The following SLC45A1 variants were observed in gnomAD, a reference collection of about 807,000 sequenced individuals.
SLC45A1 encodes the protein proton-associated sugar transporter A.
A neutral mutation model predicts 57.6 loss-of-function variants in SLC45A1; 28 were observed. The ratio of observed to expected loss-of-function variants is 0.49; its 90% CI spans 0.36 to 0.67. The LOEUF (loss-of-function observed/expected upper bound fraction) is 0.67, where lower values mean the gene tolerates loss of function less well. Among genes scored for constraint, SLC45A1 ranks in the 30% least tolerant of loss-of-function variants. SLC45A1 has a pLI of 0.00. For synonymous variants in SLC45A1, 459 were observed against 471.5 expected, an observed-to-expected ratio of 0.97 and a Z score of 0.34; for missense variants, 814 against 1,041.5, an observed-to-expected ratio of 0.78 and a Z score of 3.01.
chr1:8,330,088 G>C lies in SLC45A1; in HGVS notation c.716-121G>C. The stretch of plus-strand genomic sequence containing the variant: ...TTTTGTTGGGGTTTAGGTGGAACAG[G>C]TTCTGTGCCCACGTCCCTGGAATGG... On this transcript the variant is annotated intron_variant, in intron 4 of 8. Transcript: ENST00000471889. The surrounding 1 kb of genome is among the most constrained non-coding windows in gnomAD (Gnocchi z 8.4). 1 of 1,274,778 alleles carries C rather than the reference G, an allele frequency of 7.8e-7. No individual in the cohort carries two copies. The highest frequency in any genetic ancestry group is 1.4e-5 in the South Asian group (1 of 71,130). 79.0% of individuals were successfully genotyped at this position (1,274,778 alleles called of 1,614,324 possible). A position where few individuals can be genotyped will look rare whatever the true frequency, so the allele number is the denominator to read the frequency against.
chr1:8,325,337 G>T lies in SLC45A1; in HGVS notation c.437G>T (p.Arg146Leu). The part of the protein sequence containing the change: ...LQPLLGAWSD[R>L]CTSRFGRRRP... ...CCTCTGTTGGGTGCTTGGAGTGACC[G>T]GTGTACCTCAAGGTTTGGAAGGAGA... The change falls in exon 3 of 9, where the codon CGG becomes CTG. Residue 146 changes from arginine (R) to leucine (L), a missense_variant. Transcript: ENST00000471889. This position sits in a 1 kb window ranked among gnomAD's most constrained non-coding sequence, Gnocchi z 6.3. 6.2e-7 allele frequency: 1 copy of T among 1,613,710 alleles called. No homozygotes were observed. Among genetic ancestry groups the T allele is most frequent in the Non-Finnish European group, 8.5e-7 (1 of 1,179,798 alleles).
At chr1:8,339,459 G>A (rs148324631) in intron 7 of SLC45A1, 34 bp from the exon 8 acceptor site, 9 of 1,608,416 alleles carry the variant, frequency 5.6e-6, no homozygotes, top group Non-Finnish European at 6.8e-6. Context: ...GGCTCTGGCC[G>A]TGTGGCACTG....
rs112770536 is a variant in SLC45A1, at chr1:8,338,129, G to A, written c.1774+137G>A. The A allele has an allele frequency of 5.8e-4, 465 of 799,810 alleles. No individual in the cohort carries two copies. In the African/African-American group the frequency reaches 7.2e-3, roughly 12 times the overall value. 49.5% of individuals were successfully genotyped at this position (799,810 alleles called of 1,614,324 possible). ...TTTGGGGGACGCCACTGTCTTTCCC[G>A]GCTGCAGGGCGCTGGGCCTGGGGGA... On this transcript the variant is annotated intron_variant, in intron 7 of 8. Coordinates refer to ENST00000471889, the MANE Select transcript of SLC45A1 (RefSeq NM_001080397.3).
At chr1:8,320,400 T>G (rs1194832143) in intron 1 of SLC45A1, among the ~76,000 whole-genome samples, 1 of 152,184 alleles carries the variant, frequency 6.6e-6, no homozygotes, top group Non-Finnish European at 1.5e-5. Flanking sequence ...TCCAACACTT[T>G]GGGAAGCCAA....
chr1:8,344,106 G>C lies in SLC45A1; in HGVS notation c.*93G>C. On this transcript the variant is annotated 3_prime_UTR_variant, in exon 9 of 9. Coordinates refer to ENST00000471889, the MANE Select transcript of SLC45A1 (RefSeq NM_001080397.3). ...ACCAAAGGGCCTTGTTGGACAGGGG[G>C]ACTGGCTGCCTACTGGAATGTAAAT... 1 of 1,222,792 alleles carries C rather than the reference G, an allele frequency of 8.2e-7. No homozygotes were observed. Among genetic ancestry groups the C allele is most frequent in the South Asian group, 1.5e-5 (1 of 65,558 alleles). 75.7% of individuals were successfully genotyped at this position (1,222,792 alleles called of 1,614,324 possible). A position where few individuals can be genotyped will look rare whatever the true frequency, so the allele number is the denominator to read the frequency against.
chr1:8,330,709 C>T lies in SLC45A1; in HGVS notation c.1216C>T (p.Arg406Trp), dbSNP rs771993387. Reference protein sequence around the residue: ...PRPPISVSFPRAPDGFYRQDR... With the variant: ...PRPPISVSFPWAPDGFYRQDR... ...GCCGCCCATCAGCGTCAGCTTCCCC[C>T]GGGCCCCCGACGGCTTCTACCGCCA... The change falls in exon 5 of 9, where the codon CGG becomes TGG. Residue 406 changes from arginine (R) to tryptophan (W), a missense_variant. Physicochemically the swap from Arg to Trp is moderately radical, Grantham distance 101. Coordinates refer to ENST00000471889, the MANE Select transcript of SLC45A1 (RefSeq NM_001080397.3). This position sits in a 1 kb window ranked among gnomAD's most constrained non-coding sequence, Gnocchi z 8.4. 24 of 1,613,058 alleles carry T rather than the reference C, an allele frequency of 1.5e-5. No homozygotes were observed. The highest frequency in any genetic ancestry group is 3.3e-5 in the South Asian group (3 of 91,076).
chr1:8,328,561 G>A lies in SLC45A1; in HGVS notation c.716-1648G>A, dbSNP rs1475529850. On this transcript the variant is annotated intron_variant, in intron 4 of 8. Coordinates refer to ENST00000471889, the MANE Select transcript of SLC45A1 (RefSeq NM_001080397.3). The surrounding 1 kb of genome is among the most constrained non-coding windows in gnomAD (Gnocchi z 4.6). ...TTAGCTAGTAAAGTTCATCTGGGCCGGGCGTGGTGGCTCATGCATGTACTC... is the reference window on the plus strand; with the variant it reads ...TTAGCTAGTAAAGTTCATCTGGGCCAGGCGTGGTGGCTCATGCATGTACTC... Among the ~76,000 whole-genome samples, 18 of 152,184 alleles carry A rather than the reference G, an allele frequency of 1.2e-4. No homozygotes were observed. Among genetic ancestry groups the A allele is most frequent in the African/African-American group, 3.9e-4 (16 of 41,446 alleles).
In SLC45A1 at chr1:8,330,626, T is replaced by C. The variant is rs781183365; in HGVS notation, c.1133T>C (p.Ile378Thr). 8.1e-6 allele frequency: 13 copies of C among 1,613,478 alleles called. No individual in the cohort carries two copies. The highest frequency in any genetic ancestry group is 1.1e-5 in the South Asian group (1 of 91,088). ...ACGGCCAACATAGACAGCGTCCTCA[T>C]TGACTGCTTCACGGGCGGCCACGAC... ...FGTANIDSVL[I>T]DCFTGGHDSY... The change falls in exon 5 of 9, where the codon ATT (isoleucine) becomes ACT (threonine). Residue 378 changes from isoleucine (I) to threonine (T), a missense_variant. Transcript: ENST00000471889. The surrounding 1 kb of genome is among the most constrained non-coding windows in gnomAD (Gnocchi z 8.4).
intron 1 of SLC45A1, among the ~76,000 whole-genome samples, chr1:8,318,696 T>A (rs1400721357): frequency 1.3e-5 from 2 of 152,236 alleles, no homozygotes; most frequent in Non-Finnish European, 2.9e-5. Flanking sequence ...CAGCTCCTTC[T>A]GCCCTCGACA....
intron 1 of SLC45A1, among the ~76,000 whole-genome samples, chr1:8,322,034 AGTGGGTGG>A (rs1557557387): frequency 2.7e-4 from 2 of 7,292 alleles, no homozygotes; most frequent in Non-Finnish European, 4.6e-4. Context: ...TGGATGGGTG[AGTGGGTGG>A]GTGGGTGGAT....
chr1:8,332,520 T>C (rs1421871962), intron 5 of SLC45A1, among the ~76,000 whole-genome samples: 1 of 151,760 alleles, frequency 6.6e-6, no homozygotes, highest in Non-Finnish European at 1.5e-5. Context: ...GATTTTTTTT[T>C]TTTTTTTTTG....
rs910178683 is a variant in SLC45A1, at chr1:8,330,699, C to T, written c.1206C>T (p.Val402=). ...PGSVPRPPIS[V]SFPRAPDGFY... is the part of the protein sequence containing the mutation. ...GCGTCCCCAGGCCGCCCATCAGCGTCAGCTTCCCCCGGGCCCCCGACGGCT... is the reference window on the plus strand; with the variant it reads ...GCGTCCCCAGGCCGCCCATCAGCGTTAGCTTCCCCCGGGCCCCCGACGGCT... Residue 402 remains valine (V), a synonymous_variant, in exon 5 of 9, where the codon GTC becomes GTT. Coordinates refer to ENST00000471889, the MANE Select transcript of SLC45A1 (RefSeq NM_001080397.3). This position sits in a 1 kb window ranked among gnomAD's most constrained non-coding sequence, Gnocchi z 8.4. The T allele has an allele frequency of 3.1e-6, 5 of 1,613,232 alleles. No individual in the cohort carries two copies. The highest frequency in any genetic ancestry group is 3.4e-6 in the Non-Finnish European group (4 of 1,180,008).
At chr1:8,334,658 G>T (rs376888987) in intron 5 of SLC45A1, among the ~76,000 whole-genome samples, 1 of 152,004 alleles carries the variant, frequency 6.6e-6, no homozygotes, top group Non-Finnish European at 1.5e-5. Flanking sequence ...AGCCATGACC[G>T]CACCACTGCA....
rs1308367398 is a variant in SLC45A1 at position 8,338,240 on chromosome 1, C to G, written c.1774+248C>G. 2.0e-5 allele frequency among the ~76,000 whole-genome samples: 3 copies of G among 152,210 alleles called. 1 individual carries two copies. Among genetic ancestry groups the G allele is most frequent in the Non-Finnish European group, 4.4e-5 (3 of 68,026 alleles). ...GGCACGGGTGCTTGTCAGGACCTGACTACACCGGCAGGCCATAGCGAGGGC... is the reference window on the plus strand; with the variant it reads ...GGCACGGGTGCTTGTCAGGACCTGAGTACACCGGCAGGCCATAGCGAGGGC... On this transcript the variant is annotated intron_variant, in intron 7 of 8. Coordinates refer to ENST00000471889, the MANE Select transcript of SLC45A1 (RefSeq NM_001080397.3).
intron 7 of SLC45A1, among the ~76,000 whole-genome samples, chr1:8,338,407 G>A (rs997307301): frequency 9.2e-5 from 14 of 152,240 alleles, no homozygotes; most frequent in African/African-American, 3.4e-4. Flanking sequence ...GTGGAGCGTA[G>A]GGGTGGGCAG....
intron 6 of SLC45A1, among the ~76,000 whole-genome samples, chr1:8,336,316 A>C (rs2124317765): frequency 6.6e-6 from 1 of 152,036 alleles, no homozygotes; most frequent in East Asian, 1.9e-4. Flanking sequence ...AGGCTGAGGC[A>C]GGAGAATCGC....
rs1419919692 is a variant in SLC45A1 at position 8,335,541 on chromosome 1, C to G, written c.1548C>G (p.Ile516Met). ...PLSVGRLCST[I>M]CNMPKALRTL... ...CCGTGGGGCGCCTCTGCTCCACCATCTGCAACATGCCCAAGGCGCTACGCA... is the reference window on the plus strand; with the variant it reads ...CCGTGGGGCGCCTCTGCTCCACCATGTGCAACATGCCCAAGGCGCTACGCA... Residue 516 changes from isoleucine (I) to methionine (M), a missense_variant, in exon 6 of 9, where the codon ATC becomes ATG. Transcript: ENST00000471889. This position sits in a 1 kb window ranked among gnomAD's most constrained non-coding sequence, Gnocchi z 4.1. 8 of 1,606,676 alleles carry G rather than the reference C, an allele frequency of 5.0e-6. No individual in the cohort carries two copies. The highest frequency in any genetic ancestry group is 3.3e-5 in the Admixed American group (2 of 59,934).
At chr1:8,342,761 T>C (rs1640867153) in intron 8 of SLC45A1, among the ~76,000 whole-genome samples, 1 of 152,064 alleles carries the variant, frequency 6.6e-6, no homozygotes, top group South Asian at 2.1e-4. Context: ...TAGCCAGGTG[T>C]GGTGGCATGC....
At chr1:8,334,905 G>A (rs1410160759) in intron 5 of SLC45A1, among the ~76,000 whole-genome samples, 6 of 152,118 alleles carry the variant, frequency 3.9e-5, no homozygotes, top group African/African-American at 1.4e-4. Context: ...CCTGTTGACC[G>A]TGGGGCGTGT....
Sources: gnomAD v4.1 joint callset for allele counts (sites outside exome capture counted in the v4.1 genomes callset) on GRCh38, gnomAD v4.1.1 for gene constraint, Gnocchi (gnomAD v3.1) non-coding constraint, MANE v1.5 for transcripts, NCBI Gene and HGNC (gene_info 2026-07-23, HGNC 2026-07-21) for gene names.